The following C8orf34 variants were observed in gnomAD, a reference collection of about 807,000 sequenced individuals.
C8orf34 encodes uncharacterized protein C8orf34.
Under a neutral mutation model 68.3 loss-of-function variants are expected in C8orf34, and 65 were observed. That is an observed-to-expected ratio of 0.95 (90% CI 0.78 to 1.17). C8orf34 has a LOEUF of 1.17. C8orf34 is among the 50% of genes most tolerant of loss of function. The pLI is 0.00. For synonymous variants in C8orf34, 244 were observed against 241.2 expected, an observed-to-expected ratio of 1.01 and a Z score of -0.11; for missense variants, 664 against 655.4, an observed-to-expected ratio of 1.01 and a Z score of -0.14.
chr8:68,756,869 G>C (rs184866061), intron 10 of C8orf34, among the ~76,000 whole-genome samples: 1 of 152,204 alleles, frequency 6.6e-6, no homozygotes, highest in African/African-American at 2.4e-5. Flanking sequence ...TGAAAATCTA[G>C]AGCTTCCCAT....
intron 7 of C8orf34, among the ~76,000 whole-genome samples, chr8:68,639,996 G>T (rs2130732195): frequency 6.6e-6 from 1 of 152,278 alleles, no homozygotes; most frequent in African/African-American, 2.4e-5. Context: ...TGAGAACAAA[G>T]GAAAAATATA....
chr8:68,804,948 G>A (rs959202066), intron 12 of C8orf34, among the ~76,000 whole-genome samples: 2 of 152,160 alleles, frequency 1.3e-5, no homozygotes, highest in Admixed American at 1.3e-4. Context: ...ATAAGGAGAG[G>A]GTTTGGGAAT....
At chr8:68,679,561 T>C (rs1820301176) in intron 8 of C8orf34, among the ~76,000 whole-genome samples, 1 of 151,952 alleles carries the variant, frequency 6.6e-6, no homozygotes, top group Non-Finnish European at 1.5e-5. Flanking sequence ...TTCACAGATA[T>C]AGAAAAAAAC....
chr8:68,415,648 G>A (rs182306561), intron 1 of C8orf34, among the ~76,000 whole-genome samples: 1 of 152,284 alleles, frequency 6.6e-6, no homozygotes, highest in African/African-American at 2.4e-5. Context: ...TTTTGCCTAA[G>A]CTGAAGATTA....
At chr8:68,484,699 G>A (rs553521260) in intron 4 of C8orf34, among the ~76,000 whole-genome samples, 36 of 152,294 alleles carry the variant, frequency 2.4e-4, no homozygotes, top group African/African-American at 8.7e-4. Flanking sequence ...TGGCCACTCA[G>A]TATAAATGGT....
intron 5 of C8orf34, among the ~76,000 whole-genome samples, chr8:68,518,100 G>T (rs1222800994): frequency 1.3e-5 from 2 of 152,076 alleles, no homozygotes; most frequent in African/African-American, 2.4e-5. Context: ...CTTATACACA[G>T]AATTTTATGG....
intron 1 of C8orf34, among the ~76,000 whole-genome samples, chr8:68,347,376 T>C (rs991647310): frequency 6.6e-6 from 1 of 152,110 alleles, no homozygotes; most frequent in Non-Finnish European, 1.5e-5. Context: ...GACAGGTATT[T>C]AGGTTGATTC....
intron 4 of C8orf34, among the ~76,000 whole-genome samples, chr8:68,473,550 A>G (rs1393754617): frequency 6.6e-6 from 1 of 152,196 alleles, no homozygotes; most frequent in African/African-American, 2.4e-5. Flanking sequence ...GCAAGCTTCC[A>G]GGTTGCTTGT....
intron 8 of C8orf34, among the ~76,000 whole-genome samples, chr8:68,695,205 G>A (rs529393860): frequency 6.0e-5 from 9 of 149,674 alleles, no homozygotes; most frequent in African/African-American, 2.2e-4. Context: ...GGAGTGCAAT[G>A]GCGTGATCTC....
At chr8:68,724,160 G>A (rs1431455812) in intron 10 of C8orf34, among the ~76,000 whole-genome samples, 1 of 152,008 alleles carries the variant, frequency 6.6e-6, no homozygotes, top group Non-Finnish European at 1.5e-5. Flanking sequence ...TTAAAATGAA[G>A]ATATTTTAGA....
intron 7 of C8orf34, among the ~76,000 whole-genome samples, chr8:68,613,818 C>T (rs932626188): frequency 6.6e-5 from 10 of 152,028 alleles, no homozygotes; most frequent in African/African-American, 2.4e-4. Flanking sequence ...AATGGAATGG[C>T]TGGGTCAAAT....
At chr8:68,735,952 C>T (rs1393974271) in intron 10 of C8orf34, among the ~76,000 whole-genome samples, 1 of 152,166 alleles carries the variant, frequency 6.6e-6, no homozygotes, top group Non-Finnish European at 1.5e-5. Context: ...GGTTCAACAA[C>T]ACCCCAGTAA....
At chr8:68,361,492 G>A (rs78050272) in intron 1 of C8orf34, among the ~76,000 whole-genome samples, 1,693 of 152,306 alleles carry the variant, frequency 0.011, 28 homozygotes, top group African/African-American at 0.038. Context: ...ATCTGGACAT[G>A]TGCCACTATA....
chr8:68,529,672 C>T (rs559449816), intron 6 of C8orf34, among the ~76,000 whole-genome samples: 3 of 152,220 alleles, frequency 2.0e-5, no homozygotes, highest in East Asian at 1.9e-4. Flanking sequence ...TCTAGAAAAA[C>T]AGTTATGGAC....
At chr8:68,776,641 C>T (rs560369105) in intron 11 of C8orf34, among the ~76,000 whole-genome samples, 192 bp downstream of exon 11, 6 of 152,160 alleles carry the variant, frequency 3.9e-5, no homozygotes, top group Non-Finnish European at 7.3e-5. Context: ...GAGAAAGATA[C>T]TGTGTATCAG....
intron 7 of C8orf34, among the ~76,000 whole-genome samples, chr8:68,568,757 C>T (rs758944301): frequency 1.2e-4 from 18 of 151,964 alleles, no homozygotes; most frequent in Non-Finnish European, 1.9e-4. Context: ...AAATAGAAAT[C>T]GATAAATTTT....
intron 10 of C8orf34, among the ~76,000 whole-genome samples, chr8:68,737,177 C>A (rs1302609460): frequency 6.6e-6 from 1 of 152,046 alleles, no homozygotes; most frequent in Non-Finnish European, 1.5e-5. Flanking sequence ...CTGCCTAAGG[C>A]AGTATGCCCT....
intron 7 of C8orf34, among the ~76,000 whole-genome samples, chr8:68,632,796 A>T (rs903244691): frequency 3.3e-5 from 5 of 152,148 alleles, no homozygotes; most frequent in African/African-American, 1.2e-4. Flanking sequence ...TGCAATCCCC[A>T]AGTCTTACAG....
intron 7 of C8orf34, among the ~76,000 whole-genome samples, chr8:68,617,300 T>G (rs1211205686): frequency 7.9e-5 from 12 of 152,182 alleles, no homozygotes; most frequent in Admixed American, 7.9e-4. Flanking sequence ...AAGTTAATAG[T>G]GTTATGTGTG....
Sources: allele counts gnomAD v4.1 joint callset (sites outside exome capture counted in the v4.1 genomes callset), GRCh38; gene constraint gnomAD v4.1.1; transcripts MANE v1.5; gene names NCBI Gene and HGNC (gene_info 2026-07-23, HGNC 2026-07-21).